CCNB3: variants seen among roughly 807,000 people sequenced by gnomAD.
The protein encoded by CCNB3 is G2/mitotic-specific cyclin-B3.
Under a neutral mutation model 68.0 loss-of-function variants are expected in CCNB3, and 12 were observed. That is an observed-to-expected ratio of 0.18 (90% CI 0.11 to 0.29). The LOEUF is 0.29. Ranked by LOEUF, CCNB3 falls within the 10% of genes least tolerant of loss-of-function variation. The probability of loss-of-function intolerance (pLI) is 1.00; values close to 1 mark genes in which losing one functional copy is unlikely to be tolerated. For synonymous variants in CCNB3, 354 were observed against 388.9 expected, an observed-to-expected ratio of 0.91 and a Z score of 1.06; for missense variants, 904 against 993.1, an observed-to-expected ratio of 0.91 and a Z score of 1.21.
intron 1 of CCNB3, among the ~76,000 whole-genome samples, chrX:50,226,808 G>C (rs1199772824): frequency 1.5e-5 from 1 of 68,804 alleles, no homozygotes; most frequent in Non-Finnish European, 2.5e-5. Flanking sequence ...TATATATATA[G>C]AGTATATATA....
intron 8 of CCNB3, among the ~76,000 whole-genome samples, chrX:50,340,006 A>G (rs1310872547): frequency 1.8e-5 from 2 of 111,974 alleles, no homozygotes; most frequent in Non-Finnish European, 3.8e-5. Context: ...CTAACACAGA[A>G]CAGGTTTCTG....
intron 8 of CCNB3, among the ~76,000 whole-genome samples, chrX:50,336,211 A>G (rs1219737604): frequency 1.2e-4 from 13 of 111,786 alleles, no homozygotes; most frequent in African/African-American, 4.2e-4. Flanking sequence ...CTTTTCCTTC[A>G]GTTGGGGACA....
chrX:50,228,622 A>G (rs1935976594), intron 1 of CCNB3, among the ~76,000 whole-genome samples: 1 of 86,259 alleles, frequency 1.2e-5, no homozygotes, highest in Admixed American at 1.6e-4. Context: ...TATAGAATAT[A>G]TATAGAATAT....
At chrX:50,213,682 A>G (rs1478169495) in intron 1 of CCNB3, among the ~76,000 whole-genome samples, 1 of 111,715 alleles carries the variant, frequency 9.0e-6, no homozygotes, top group Non-Finnish European at 1.9e-5. Context: ...AATTTAATTT[A>G]TTTAAAACTG....
At chrX:50,318,988 C>T (rs1921882708) in intron 8 of CCNB3, among the ~76,000 whole-genome samples, 2 of 111,585 alleles carry the variant, frequency 1.8e-5, no homozygotes, top group Non-Finnish European at 3.8e-5. Context: ...TGTCACAACT[C>T]ATTGCTAGAG....
intron 1 of CCNB3, among the ~76,000 whole-genome samples, chrX:50,283,889 T>C (rs921394282): frequency 1.8e-5 from 2 of 110,446 alleles, no homozygotes; most frequent in African/African-American, 6.6e-5. Flanking sequence ...CTTTTCTTTT[T>C]TTTTTTTAGT....
At chrX:50,228,596 T>C (rs967510319) in intron 1 of CCNB3, among the ~76,000 whole-genome samples, 7 of 85,294 alleles carry the variant, frequency 8.2e-5, no homozygotes, top group Admixed American at 1.6e-4. Flanking sequence ...AGAATATAGA[T>C]AATATATATA....
intron 1 of CCNB3, among the ~76,000 whole-genome samples, chrX:50,208,628 G>A (rs1176223695): frequency 8.9e-6 from 1 of 111,915 alleles, no homozygotes; most frequent in Admixed American, 9.5e-5. Flanking sequence ...CTTTTAATAT[G>A]TTGCTCAAAT....
rs1357726779 is a variant in CCNB3 at position 50,294,840 on chromosome X, C to G, written c.205-23C>G. ...TCTTGCCTCCTTCTTCCCCTGCCCC[C>G]CAACCCACCTTTTTTTTTGCAGGCT... is the stretch of plus-strand genomic sequence containing the variant. On this transcript the variant is annotated intron_variant, in intron 4 of 12. Coordinates refer to ENST00000376042, the MANE Select transcript of CCNB3 (RefSeq NM_033031.3). 5 of 1,182,935 alleles carry G rather than the reference C, an allele frequency of 4.2e-6. No individual in the cohort carries two copies. In the African/African-American group the frequency reaches 5.4e-5, roughly 13 times the overall value.
At chrX:50,215,495 G>A (rs1935557813) in intron 1 of CCNB3, among the ~76,000 whole-genome samples, 1 of 107,652 alleles carries the variant, frequency 9.3e-6, no homozygotes, top group Non-Finnish European at 1.9e-5. Flanking sequence ...TTCTATAAAT[G>A]TCAATTAGAT....
chrX:50,280,021 AAT>A (rs1207765337), intron 1 of CCNB3, among the ~76,000 whole-genome samples: 2 of 86,186 alleles, frequency 2.3e-5, no homozygotes, highest in East Asian at 3.4e-4. Context: ...AAATATATAG[AAT>A]ATATATAAAT....
intron 8 of CCNB3, among the ~76,000 whole-genome samples, chrX:50,338,737 C>A (rs1200696864): frequency 8.9e-6 from 1 of 112,510 alleles, no homozygotes; most frequent in Admixed American, 9.4e-5. Flanking sequence ...TAGCCAAGTT[C>A]TTTGCTAAGG....
chrX:50,204,542 C>G (rs1210175926), upstream of CCNB3: 1 of 108,378 alleles, frequency 9.2e-6, no homozygotes. Flanking sequence ...TGGTGATTAG[C>G]ATGCCTTTTA....
intron 10 of CCNB3, 148 bp from the exon 11 acceptor site, chrX:50,347,478 G>T (rs1557220517): frequency 4.1e-6 from 2 of 492,282 alleles, no homozygotes; most frequent in Non-Finnish European, 6.7e-6. Flanking sequence ...GGGTAGGGAA[G>T]ATGAAGTGAG....
At chrX:50,318,093 C>G in intron 8 of CCNB3, among the ~76,000 whole-genome samples, 1 of 110,351 alleles carries the variant, frequency 9.1e-6, no homozygotes, top group Admixed American at 9.7e-5. Context: ...TGGGTCTATA[C>G]CAATATTCTG....
chrX:50,221,207 A>G (rs1935667381), intron 1 of CCNB3, among the ~76,000 whole-genome samples: 2 of 110,820 alleles, frequency 1.8e-5, no homozygotes, highest in African/African-American at 6.6e-5. Context: ...TATTTTGTTA[A>G]TCTTTTCAAA....
intron 11 of CCNB3, among the ~76,000 whole-genome samples, chrX:50,350,697 CTT>C (rs1411092639): frequency 2.0e-5 from 2 of 99,736 alleles, no homozygotes; most frequent in African/African-American, 3.7e-5. Flanking sequence ...GGGCTAATAT[CTT>C]TTTTTTTTTT....
Position 50,317,762 on chromosome X carries a change from G to A in CCNB3, c.3516+3814G>A, listed in dbSNP as rs901075661. The stretch of plus-strand genomic sequence containing the variant: ...TTTTTGTATTTTTAGTAGAGATGAA[G>A]TTTCACCATGTTGGCCAGGCTGGTC... On this transcript the variant is annotated intron_variant, in intron 8 of 12. Transcript: ENST00000376042. Among the ~76,000 whole-genome samples the A allele has an allele frequency of 4.6e-5, 5 of 109,302 alleles. No homozygotes were observed. The Admixed American group carries it at 4.9e-4, about 11-fold the overall frequency. The allele number at this position is 109,302 out of a possible 115,157, so 94.9% of individuals were successfully genotyped here. A position where few individuals can be genotyped will look rare whatever the true frequency, so the allele number is the denominator to read the frequency against.
chrX:50,296,086 T>C (rs1375727249), intron 5 of CCNB3, among the ~76,000 whole-genome samples: 3 of 111,890 alleles, frequency 2.7e-5, no homozygotes, highest in African/African-American at 9.7e-5. Flanking sequence ...CTTTTGAATT[T>C]CTTTCATCAT....
Sources: gnomAD v4.1 joint callset for allele counts (sites outside exome capture counted in the v4.1 genomes callset) on GRCh38, gnomAD v4.1.1 for gene constraint, MANE v1.5 for transcripts, NCBI Gene and HGNC (gene_info 2026-07-23, HGNC 2026-07-21) for gene names.